The following ZMYM2 variants were observed in gnomAD, a reference collection of about 807,000 sequenced individuals.
ZMYM2 encodes zinc finger MYM-type protein 2.
ZMYM2 carries 56 observed loss-of-function variants against 162.8 expected under a neutral mutation model. The observed-to-expected ratio is 0.34, with a 90% confidence interval of 0.28 to 0.43. ZMYM2 has a LOEUF of 0.43. Ranked by LOEUF, ZMYM2 falls within the 20% of genes least tolerant of loss-of-function variation. The pLI, the probability that ZMYM2 is intolerant of heterozygous loss-of-function variation, is 1.00. For synonymous variants in ZMYM2, 510 were observed against 541.6 expected, an observed-to-expected ratio of 0.94 and a Z score of 0.81; for missense variants, 1,275 against 1,621.8, an observed-to-expected ratio of 0.79 and a Z score of 3.67.
intron 11 of ZMYM2, 55 bp from the exon 12 acceptor site, chr13:20,036,682 A>G: frequency 3.6e-6 from 5 of 1,374,098 alleles, no homozygotes; most frequent in Non-Finnish European, 4.8e-6. Flanking sequence ...TCTCTGCTCA[A>G]TAATTAGTTT....
At chr13:19,955,752 G>C (rs947904293), upstream of ZMYM2, among the ~76,000 whole-genome samples, 1 of 152,138 alleles carries the variant, frequency 6.6e-6, no homozygotes, top group Non-Finnish European at 1.5e-5. Context: ...CTCCTGAGTA[G>C]CTGGTACTAC....
At chr13:20,020,710 T>C (rs755939440) in intron 7 of ZMYM2, among the ~76,000 whole-genome samples, 26 of 152,268 alleles carry the variant, frequency 1.7e-4, no homozygotes, top group Non-Finnish European at 2.9e-4. Flanking sequence ...TTTGTATTTG[T>C]ATTGTTTTTC....
At chr13:20,038,253 T>A (rs916732830) in intron 12 of ZMYM2, among the ~76,000 whole-genome samples, 2 of 152,148 alleles carry the variant, frequency 1.3e-5, no homozygotes, top group Non-Finnish European at 2.9e-5. Flanking sequence ...AATGAACATA[T>A]GTGTGCATGC....
chr13:20,007,023 T>C (rs1313653772), intron 6 of ZMYM2, among the ~76,000 whole-genome samples: 1 of 152,246 alleles, frequency 6.6e-6, no homozygotes. Flanking sequence ...ATGATTCCTC[T>C]TTTGAATTTA....
chr13:19,884,586 A>G, the ZMYM2 span, among the ~76,000 whole-genome samples: 1 of 152,104 alleles, frequency 6.6e-6, no homozygotes, highest in Admixed American at 6.6e-5. Context: ...AAAGAAAAAA[A>G]AAGCCGTGGT....
chr13:20,008,458 A>G, intron 6 of ZMYM2, among the ~76,000 whole-genome samples: 1 of 152,212 alleles, frequency 6.6e-6, no homozygotes. Flanking sequence ...TGCTGTGGCT[A>G]ATTAGAAATT....
At chr13:20,078,520 A>G (rs1957677070) in intron 21 of ZMYM2, among the ~76,000 whole-genome samples, 1 of 152,206 alleles carries the variant, frequency 6.6e-6, no homozygotes, top group Admixed American at 6.5e-5. Flanking sequence ...GAACATATCT[A>G]AAATACATGC....
At chr13:20,015,744 T>C (rs1951568107) in intron 6 of ZMYM2, among the ~76,000 whole-genome samples, 2 of 152,156 alleles carry the variant, frequency 1.3e-5, no homozygotes, top group African/African-American at 4.8e-5. Flanking sequence ...CTGTCTCTTG[T>C]GTCAGTTTTT....
intron 2 of ZMYM2, among the ~76,000 whole-genome samples, chr13:19,982,172 A>G (rs984520735): frequency 2.6e-5 from 4 of 152,134 alleles, no homozygotes; most frequent in South Asian, 4.2e-4. Flanking sequence ...TCCAAAGTCA[A>G]TCTTTTACTT....
the ZMYM2 span, among the ~76,000 whole-genome samples, chr13:19,886,201 G>A: frequency 1.4e-5 from 1 of 72,404 alleles, no homozygotes; most frequent in Non-Finnish European, 2.5e-5. Context: ...TTTCACTCTT[G>A]TTGCCCAAGC....
the ZMYM2 span, among the ~76,000 whole-genome samples, chr13:19,871,684 A>G: frequency 1.3e-5 from 2 of 152,220 alleles, no homozygotes; most frequent in South Asian, 4.1e-4. Context: ...TCTTTAGCAC[A>G]TATATGGCTC....
At chr13:20,038,214 T>C (rs980950092) in intron 12 of ZMYM2, among the ~76,000 whole-genome samples, 1 of 152,204 alleles carries the variant, frequency 6.6e-6, no homozygotes, top group Admixed American at 6.5e-5. Flanking sequence ...AGGATGACTC[T>C]AGGTGTTTGC....
At chr13:19,910,212 G>A in the ZMYM2 span, among the ~76,000 whole-genome samples, 85 of 151,998 alleles carry the variant, frequency 5.6e-4, no homozygotes, top group African/African-American at 2.0e-3. Flanking sequence ...GGGCAATGGA[G>A]CGAAACTCTG....
chr13:19,932,726 G>A, the ZMYM2 span, among the ~76,000 whole-genome samples: 1 of 152,024 alleles, frequency 6.6e-6, no homozygotes, highest in Non-Finnish European at 1.5e-5. Context: ...CCAGCAAGAA[G>A]GTGGCTGTCT....
chr13:20,020,388 C>T (rs1437704259), intron 7 of ZMYM2, among the ~76,000 whole-genome samples: 1 of 152,084 alleles, frequency 6.6e-6, no homozygotes, highest in African/African-American at 2.4e-5. Flanking sequence ...TCATGCACCA[C>T]CACACCCGGC....
At chr13:19,921,034 G>T in the ZMYM2 span, among the ~76,000 whole-genome samples, 3 of 151,996 alleles carry the variant, frequency 2.0e-5, no homozygotes, top group Non-Finnish European at 2.9e-5. Flanking sequence ...CTCCCAAAGT[G>T]CTGGGATTAC....
intron 7 of ZMYM2, chr13:20,025,607 T>A: frequency 6.4e-6 from 1 of 156,090 alleles, no homozygotes. Flanking sequence ...TTTACAGGTG[T>A]GAGCCACACC....
rs1950758444 is a variant in ZMYM2, at chr13:20,006,528, T to C, written c.1454T>C (p.Val485Ala). 1.2e-6 allele frequency: 2 copies of C among 1,613,864 alleles called. No homozygotes were observed. Among genetic ancestry groups the C allele is most frequent in the Non-Finnish European group, 1.7e-6 (2 of 1,179,834 alleles). The change falls in exon 6 of 25, where the codon GTG (valine) becomes GCG (alanine). Residue 485 changes from valine to alanine, a missense_variant. Val to Ala is a moderately conservative substitution (Grantham distance 64, BLOSUM62 0). This residue lies in a region of ZMYM2 where 276 missense variants were observed against 311.8 expected (regional missense o/e 0.89). Transcript: ENST00000610343. ...AAAGGTGCTGGAAATAATGTTCTGG[T>C]GATTGATGGTCAACAGAAAAGATTT... Reference protein sequence around the residue: ...PSKGAGNNVLVIDGQQKRFCC... With the variant: ...PSKGAGNNVLAIDGQQKRFCC...
intron 21 of ZMYM2, among the ~76,000 whole-genome samples, chr13:20,068,972 T>C (rs535139993): frequency 2.6e-5 from 4 of 152,212 alleles, no homozygotes; most frequent in Admixed American, 6.5e-5. Flanking sequence ...AATAAAACTT[T>C]TAAAATCAAT....
Sources: allele counts gnomAD v4.1 joint callset (sites outside exome capture counted in the v4.1 genomes callset), GRCh38; gene constraint gnomAD v4.1.1; regional missense constraint gnomAD v4.1.1; transcripts MANE v1.5; gene names NCBI Gene and HGNC (gene_info 2026-07-23, HGNC 2026-07-21).